The following RAI1 variants were observed in gnomAD, a reference collection of about 807,000 sequenced individuals.
The protein encoded by RAI1 is retinoic acid induced 1, also known as retinoic acid-induced protein 1.
In RAI1, 9 loss-of-function variants were observed where a neutral mutation model predicts 123.8. That is an observed-to-expected ratio of 0.07 (90% CI 0.04 to 0.13). The LOEUF (loss-of-function observed/expected upper bound fraction) is 0.13. RAI1 is among the 10% of genes least tolerant of loss of function. The pLI is 1.00. For synonymous variants in RAI1, 1,231 were observed against 1,127.3 expected, an observed-to-expected ratio of 1.09 and a Z score of -1.84; for missense variants, 2,256 against 2,545.8, an observed-to-expected ratio of 0.89 and a Z score of 2.45.
chr17:17,744,789 CAAAAAAAAAAA>C (rs58984430), intron 2 of RAI1, among the ~76,000 whole-genome samples: 15 of 46,812 alleles, frequency 3.2e-4, no homozygotes, highest in East Asian at 1.3e-3. Context: ...GACTCCGTCT[CAAAAAAAAAAA>C]AAAAAAAAAA....
rs757559332 is a variant in RAI1 at position 17,795,355 on chromosome 17, G to A, written c.2407G>A (p.Val803Met). 1 of 1,598,734 alleles carries A rather than the reference G, an allele frequency of 6.3e-7. No individual in the cohort carries two copies. The highest frequency in any genetic ancestry group is 1.7e-5 in the Admixed American group (1 of 59,188). ...GGAGGAGGACCCCCCTGGGGAGAAG[G>A]TGGCCTCGTTGCCCGGGGACTTCAA... The part of the protein sequence containing the change: ...FQEEDPPGEK[V>M]ASLPGDFKQE... The change falls in exon 3 of 6, where the codon GTG (valine) becomes ATG (methionine). Residue 803 changes from valine to methionine, a missense_variant. Val to Met is a conservative substitution (Grantham distance 21). Transcript: ENST00000353383. This position sits in a 1 kb window ranked among gnomAD's most constrained non-coding sequence, Gnocchi z 5.9.
chr17:17,687,684 G>C (rs951007608), intron 1 of RAI1, among the ~76,000 whole-genome samples: 2 of 152,292 alleles, frequency 1.3e-5, no homozygotes, highest in Non-Finnish European at 2.9e-5. Context: ...CTTTCCCTCT[G>C]TGAGGGTCAG....
intron 2 of RAI1, among the ~76,000 whole-genome samples, chr17:17,739,093 C>T (rs909977612): frequency 6.6e-6 from 1 of 152,164 alleles, no homozygotes; most frequent in African/African-American, 2.4e-5. Context: ...GAGACAGAGG[C>T]AATTCAAAGT....
chr17:17,757,466 T>G (rs1275361469), intron 2 of RAI1, among the ~76,000 whole-genome samples: 1 of 152,222 alleles, frequency 6.6e-6, no homozygotes, highest in African/African-American at 2.4e-5. Flanking sequence ...ACAGCCTGGC[T>G]GCAGCGGGGC....
intron 2 of RAI1, among the ~76,000 whole-genome samples, chr17:17,781,458 A>G (rs927157311): frequency 6.6e-6 from 1 of 152,180 alleles, no homozygotes; most frequent in Non-Finnish European, 1.5e-5. Context: ...TGGGGTTTGC[A>G]TGGGTGGCCT....
At chr17:17,742,170 G>C (rs550092542) in intron 2 of RAI1, among the ~76,000 whole-genome samples, 1 of 152,358 alleles carries the variant, frequency 6.6e-6, no homozygotes, top group Admixed American at 6.5e-5. Context: ...TCAAGGGGCA[G>C]GGACGTCAGG....
At chr17:17,728,778 T>A (rs548329546) in intron 2 of RAI1, among the ~76,000 whole-genome samples, 1 of 152,322 alleles carries the variant, frequency 6.6e-6, no homozygotes, top group Admixed American at 6.5e-5. Flanking sequence ...AGTGACATGC[T>A]TGAGGTCATG....
rs142211894 is a variant in RAI1 at position 17,687,546 on chromosome 17, T to C, written c.-149+5753T>C. ...TCCAGTGGAGCTTGGGTTCGCCTCC[T>C]AGAGTTCCCTTCTTGGAGACTGTGC... is the stretch of plus-strand genomic sequence containing the variant. On this transcript the variant is annotated intron_variant, in intron 1 of 5. Transcript: ENST00000353383. Among the ~76,000 whole-genome samples, 65 of 152,134 alleles carry C rather than the reference T, an allele frequency of 4.3e-4. No individual in the cohort carries two copies. In the East Asian group the frequency reaches 0.012, roughly 28 times the overall value.
chr17:17,687,590 A>G (rs751913422), intron 1 of RAI1, among the ~76,000 whole-genome samples: 2 of 152,136 alleles, frequency 1.3e-5, no homozygotes, highest in African/African-American at 2.4e-5. Context: ...AAGGCGAGAT[A>G]GGGTCGGGGT....
chr17:17,803,085 CAAA>C (rs1167089282), intron 3 of RAI1, among the ~76,000 whole-genome samples: 5 of 55,964 alleles, frequency 8.9e-5, no homozygotes, highest in African/African-American at 2.4e-4. Context: ...AATTCTGTCT[CAAA>C]AAAAAAAAAA....
intron 1 of RAI1, among the ~76,000 whole-genome samples, chr17:17,718,427 A>G (rs934971528): frequency 5.9e-5 from 9 of 152,162 alleles, no homozygotes; most frequent in Non-Finnish European, 1.5e-5. Context: ...TCAGTTTCAC[A>G]TGGTAGCCCC....
At chr17:17,740,383 C>G (rs1208057243) in intron 2 of RAI1, among the ~76,000 whole-genome samples, 1 of 152,224 alleles carries the variant, frequency 6.6e-6, no homozygotes, top group Non-Finnish European at 1.5e-5. Flanking sequence ...AGACTGGAAC[C>G]CTAACACAGC....
At chr17:17,792,375 G>A (rs2032046677) in intron 2 of RAI1, among the ~76,000 whole-genome samples, 1 of 152,136 alleles carries the variant, frequency 6.6e-6, no homozygotes, top group Non-Finnish European at 1.5e-5. Context: ...GTGCACGCAT[G>A]TGCGTGGGGA....
intron 1 of RAI1, among the ~76,000 whole-genome samples, chr17:17,695,116 A>G (rs1914978226): frequency 6.6e-6 from 1 of 151,960 alleles, no homozygotes; most frequent in Admixed American, 6.5e-5. Context: ...CTGGACCCCT[A>G]CCGCTTGGGG....
chr17:17,692,477 C>G (rs1914874234), intron 1 of RAI1, among the ~76,000 whole-genome samples: 1 of 152,194 alleles, frequency 6.6e-6, no homozygotes, highest in Non-Finnish European at 1.5e-5. Context: ...GAAACTGAAG[C>G]ACAGAGAGGT....
intron 2 of RAI1, among the ~76,000 whole-genome samples, chr17:17,728,550 G>A (rs1916166837): frequency 6.6e-6 from 1 of 152,130 alleles, no homozygotes; most frequent in Admixed American, 6.5e-5. Flanking sequence ...GCACAGGCTG[G>A]GGGAGTCAAG....
intron 1 of RAI1, among the ~76,000 whole-genome samples, chr17:17,712,820 G>A (rs973221566): frequency 1.3e-5 from 2 of 152,218 alleles, no homozygotes; most frequent in African/African-American, 4.8e-5. Context: ...TGGAAATGGT[G>A]ACTGTGTATA....
chr17:17,747,775 G>A (rs921494987), intron 2 of RAI1, among the ~76,000 whole-genome samples: 1 of 152,112 alleles, frequency 6.6e-6, no homozygotes, highest in Non-Finnish European at 1.5e-5. Context: ...TCTCAAAAGG[G>A]CCAGTCTGGC....
chr17:17,754,786 TAGGGCAA>T, intron 2 of RAI1, among the ~76,000 whole-genome samples: 1 of 152,298 alleles, frequency 6.6e-6, no homozygotes, highest in African/African-American at 2.4e-5. Flanking sequence ...GTTAGGAAGA[TAGGGCAA>T]GGGTGCAAGG....
Sources: gnomAD v4.1 joint callset for allele counts (sites outside exome capture counted in the v4.1 genomes callset) on GRCh38, gnomAD v4.1.1 for gene constraint, Gnocchi (gnomAD v3.1) non-coding constraint, MANE v1.5 for transcripts, NCBI Gene and HGNC (gene_info 2026-07-23, HGNC 2026-07-21) for gene names.